Variants in GNG7 observed in about 807,000 individuals in gnomAD.
GNG7 encodes guanine nucleotide-binding protein G(I)/G(S)/G(O) subunit gamma-7.
In GNG7, 1 loss-of-function variant was observed where a neutral mutation model predicts 4.0. The observed-to-expected ratio is 0.25, with a 90% CI of 0.09 to 1.18. The LOEUF (loss-of-function observed/expected upper bound fraction) is 1.18, where lower values mean the gene tolerates loss of function less well. Among genes scored for constraint, GNG7 ranks in the 50% most tolerant of loss-of-function variants. The pLI is 0.50. For synonymous variants in GNG7, 34 were observed against 36.9 expected (o/e 0.92, Z 0.29); for missense variants, 86 against 91.9 (o/e 0.94, Z 0.26).
At chr19:2,664,670 G>A (rs564458650) in intron 1 of GNG7, among the ~76,000 whole-genome samples, 8 of 152,294 alleles carry the variant, frequency 5.3e-5, no homozygotes, top group East Asian at 1.9e-4. Flanking sequence ...GGATGGCCCC[G>A]GCTGACACCG....
intron 2 of GNG7, chr19:2,632,616 A>T (rs1158584027): frequency 6.6e-6 from 1 of 152,104 alleles, no homozygotes; most frequent in African/African-American, 2.4e-5. Context: ...TCGGGACTGG[A>T]TCCATCTCTG....
intron 4 of GNG7, among the ~76,000 whole-genome samples, chr19:2,519,723 T>C (rs918326607): frequency 7.9e-5 from 12 of 151,478 alleles, no homozygotes; most frequent in Admixed American, 3.3e-4. Flanking sequence ...AAGCCTGGGG[T>C]CCTTCCAGGA....
chr19:2,694,090 C>T (rs1913191222), intron 1 of GNG7, among the ~76,000 whole-genome samples: 1 of 152,014 alleles, frequency 6.6e-6, no homozygotes, highest in Middle Eastern at 3.2e-3. Context: ...ATCTTCCTTT[C>T]TCTCTCTGGG....
chr19:2,612,706 A>ATTTTTTTTTT lies in GNG7; in HGVS notation c.-78+33517_-78+33518insAAAAAAAAAA, dbSNP rs1568262802. Among the ~76,000 whole-genome samples, 289 of 118,402 alleles carry ATTTTTTTTTT rather than the reference A, an allele frequency of 2.4e-3. 23 individuals carry two copies. Among genetic ancestry groups the ATTTTTTTTTT allele is most frequent in the African/African-American group, 0.013 (280 of 21,574 alleles). The allele number at this position is 118,402 out of a possible 152,430, so 77.7% of individuals were successfully genotyped here. ...TTAGAATTTTTTTTTTTTTTTGAGA[A>ATTTTTTTTTT]ATTTTTTTTTTTTTTTTGAGAGTCT... On this transcript the variant is annotated intron_variant, in intron 2 of 4. Coordinates refer to ENST00000382159, the MANE Select transcript of GNG7 (RefSeq NM_052847.3).
chr19:2,599,336 C>A (rs1981129920), intron 2 of GNG7, among the ~76,000 whole-genome samples: 1 of 152,102 alleles, frequency 6.6e-6, no homozygotes, highest in South Asian at 2.1e-4. Flanking sequence ...GGAGGGCCCA[C>A]CCCTTCCTCC....
At chr19:2,530,016 G>A (rs1978532521) in intron 3 of GNG7, among the ~76,000 whole-genome samples, 1 of 152,198 alleles carries the variant, frequency 6.6e-6, no homozygotes, top group Non-Finnish European at 1.5e-5. Flanking sequence ...CCTTCTAAAC[G>A]ACTTGGACTT....
intron 3 of GNG7, among the ~76,000 whole-genome samples, chr19:2,525,315 C>T (rs1978356377): frequency 1.3e-5 from 2 of 152,158 alleles, no homozygotes; most frequent in African/African-American, 4.8e-5. Flanking sequence ...GGTGCACAGG[C>T]TCCTGCAGGC....
At chr19:2,637,047 C>T (rs1028853113) in intron 2 of GNG7, among the ~76,000 whole-genome samples, 1 of 152,030 alleles carries the variant, frequency 6.6e-6, no homozygotes, top group Non-Finnish European at 1.5e-5. Flanking sequence ...CCCACCTGCA[C>T]ACCCACTGCA....
intron 1 of GNG7, among the ~76,000 whole-genome samples, chr19:2,656,375 A>G (rs12052078): frequency 0.2 from 30,567 of 152,152 alleles, 3,549 homozygotes; most frequent in East Asian, 0.49. Context: ...AGGCCAAGGC[A>G]GGCGGATCAC....
chr19:2,689,787 C>T (rs1435655069), intron 1 of GNG7, among the ~76,000 whole-genome samples: 1 of 152,076 alleles, frequency 6.6e-6, no homozygotes, highest in African/African-American at 2.4e-5. Context: ...ACCTCCAGAC[C>T]TCAGTTTTCC....
chr19:2,643,673 G>C (rs537463572), intron 2 of GNG7: 1 of 456,156 alleles, frequency 2.2e-6, no homozygotes. Flanking sequence ...CTCCTTTTTC[G>C]GGCTGAGCTT....
intron 2 of GNG7, among the ~76,000 whole-genome samples, chr19:2,563,505 G>A (rs1351985893): frequency 6.6e-6 from 1 of 151,280 alleles, no homozygotes; most frequent in African/African-American, 2.4e-5. Flanking sequence ...TTTGAGATAG[G>A]TTTCATTTCT....
intron 1 of GNG7, among the ~76,000 whole-genome samples, chr19:2,697,512 T>A (rs566921237): frequency 6.4e-4 from 97 of 152,286 alleles, no homozygotes; most frequent in Non-Finnish European, 1.2e-3. Flanking sequence ...ACGTAAACCA[T>A]GAACACTTTT....
At chr19:2,532,470 G>A (rs1263421362) in intron 3 of GNG7, among the ~76,000 whole-genome samples, 2 of 152,130 alleles carry the variant, frequency 1.3e-5, no homozygotes, top group Non-Finnish European at 2.9e-5. Context: ...AGAAGAAAGA[G>A]CAAAAGACAT....
intron 1 of GNG7, among the ~76,000 whole-genome samples, chr19:2,682,581 T>C (rs1197513964): frequency 2.1e-5 from 3 of 144,376 alleles, no homozygotes; most frequent in Non-Finnish European, 4.5e-5. Context: ...GAGAATCACT[T>C]GAACCCGGGA....
chr19:2,614,736 C>T lies in GNG7; in HGVS notation c.-78+31488G>A, dbSNP rs1271528948. Among the ~76,000 whole-genome samples the T allele has an allele frequency of 2.0e-5, 3 of 152,194 alleles. No individual in the cohort carries two copies. Among genetic ancestry groups the T allele is most frequent in the Non-Finnish European group, 4.4e-5 (3 of 68,042 alleles). On this transcript the variant is annotated intron_variant, in intron 2 of 4. Coordinates refer to ENST00000382159, the MANE Select transcript of GNG7 (RefSeq NM_052847.3). This position sits in a 1 kb window ranked among gnomAD's most constrained non-coding sequence, Gnocchi z 6.0. ...CACCTTTTAGCCATTGTGAATCGTA[C>T]TGTATGAACATTTGTGGCAAGGTTC...
At chr19:2,645,614 C>T (rs947324887) in intron 2 of GNG7, among the ~76,000 whole-genome samples, 2 of 152,086 alleles carry the variant, frequency 1.3e-5, no homozygotes, top group East Asian at 1.9e-4. Flanking sequence ...CACCCCGACC[C>T]GACCATCGGG....
intron 2 of GNG7, among the ~76,000 whole-genome samples, chr19:2,590,577 T>TC (rs1980813884): frequency 6.0e-5 from 5 of 83,554 alleles, no homozygotes; most frequent in African/African-American, 2.4e-4. Context: ...ATTCACCCAT[T>TC]CATCCATCCA....
At chr19:2,645,154 C>A (rs1982629693) in intron 2 of GNG7, among the ~76,000 whole-genome samples, 2 of 152,102 alleles carry the variant, frequency 1.3e-5, no homozygotes, top group Non-Finnish European at 2.9e-5. Flanking sequence ...ATCACTTGAG[C>A]CACGGAGTTC....
Sources: allele counts gnomAD v4.1 joint callset (sites outside exome capture counted in the v4.1 genomes callset), GRCh38; gene constraint gnomAD v4.1.1; non-coding constraint Gnocchi (gnomAD v3.1); transcripts MANE v1.5; gene names NCBI Gene and HGNC (gene_info 2026-07-23, HGNC 2026-07-21).